TCERG1L: variants seen among roughly 807,000 people sequenced by gnomAD.
The protein encoded by TCERG1L is transcription elongation regulator 1 like.
TCERG1L carries 37 observed loss-of-function variants against 56.3 expected under a neutral mutation model. The observed-to-expected ratio is 0.66, with a 90% confidence interval of 0.51 to 0.87. The LOEUF is 0.87. TCERG1L is among the 40% of genes least tolerant of loss of function. TCERG1L has a pLI of 0.00. For missense variants in TCERG1L, 799 were observed against 774.2 expected, an observed-to-expected ratio of 1.03 and a Z score of -0.38; for synonymous variants, 324 against 326.3, an observed-to-expected ratio of 0.99 and a Z score of 0.08.
In TCERG1L at chr10:131,308,320, C is replaced by A; in HGVS notation, c.561G>T (p.Gly187=). The change falls in exon 3 of 12, where the codon GGG becomes GGT. Residue 187 remains glycine (G), a synonymous_variant. Transcript: ENST00000368642. The part of the protein sequence containing the change: ...IHPEESRFFH[G]HEKPRLLANQ... ...TTGCCAGCAAACGAGGCTTTTCATG[C>A]CCATGGAAAAACCTTGACTCCTCAG... 1 of 1,613,866 alleles carries A rather than the reference C, an allele frequency of 6.2e-7. No homozygotes were observed. Among genetic ancestry groups the A allele is most frequent in the Non-Finnish European group, 8.5e-7 (1 of 1,179,850 alleles).
chr10:131,242,555 T>C (rs1296441999), intron 4 of TCERG1L, among the ~76,000 whole-genome samples: 1 of 152,200 alleles, frequency 6.6e-6, no homozygotes, highest in Non-Finnish European at 1.5e-5. Flanking sequence ...TTAATTATAC[T>C]GTTGAAAACC....
intron 5 of TCERG1L, 74 bp downstream of exon 5, chr10:131,166,723 G>C (rs1846033622): frequency 1.6e-5 from 23 of 1,415,930 alleles, no homozygotes; most frequent in Non-Finnish European, 2.2e-5. Flanking sequence ...AAACAAGCGT[G>C]AGGGTGTCCT....
intron 3 of TCERG1L, among the ~76,000 whole-genome samples, chr10:131,284,549 C>T (rs546136516): frequency 2.6e-5 from 4 of 151,492 alleles, no homozygotes; most frequent in Non-Finnish European, 5.9e-5. Flanking sequence ...GAGATAAGAG[C>T]AGATTTCAAT....
chr10:131,114,514 C>T (rs1011426050), intron 9 of TCERG1L, among the ~76,000 whole-genome samples: 2 of 98,318 alleles, frequency 2.0e-5, no homozygotes, highest in East Asian at 5.1e-4. Flanking sequence ...TGGTGGTTAC[C>T]GCTTCACGTT....
intron 3 of TCERG1L, among the ~76,000 whole-genome samples, chr10:131,269,182 A>ATTTAGTTGTTTG (rs59572948): frequency 6.6e-6 from 1 of 151,128 alleles, no homozygotes; most frequent in Non-Finnish European, 1.5e-5. Flanking sequence ...TACAATTTCT[A>ATTTAGTTGTTTG]TTTGTTTGTT....
chr10:131,093,169 A>T lies in TCERG1L; in HGVS notation c.1754T>A (p.Met585Lys). Reference sequence around the variant, plus strand: ...TTGCATTTTTTCACAAACTCATCTCATTTTCCGCAGCCTTAGTCTGTTTTC... The same window carrying T: ...TTGCATTTTTTCACAAACTCATCTCTTTTTCCGCAGCCTTAGTCTGTTTTC... Reference protein sequence around the residue: ...DKENRLRLRKMR With the variant: ...DKENRLRLRKKR Residue 585 changes from methionine to lysine, a missense_variant, in exon 12 of 12, where the codon ATG (methionine) becomes AAG (lysine). Transcript: ENST00000368642. The T allele has an allele frequency of 2.5e-6, 4 of 1,611,760 alleles. No homozygotes were observed. Among genetic ancestry groups the T allele is most frequent in the Non-Finnish European group, 3.4e-6 (4 of 1,179,158 alleles).
chr10:131,269,702 G>C (rs144713198), intron 3 of TCERG1L, among the ~76,000 whole-genome samples: 3 of 152,104 alleles, frequency 2.0e-5, no homozygotes, highest in Non-Finnish European at 4.4e-5. Flanking sequence ...CACAACAGAC[G>C]TAACAATACT....
intron 8 of TCERG1L, among the ~76,000 whole-genome samples, chr10:131,120,066 C>T (rs559348916): frequency 6.6e-6 from 1 of 152,246 alleles, no homozygotes; most frequent in East Asian, 1.9e-4. Context: ...GTGTGGTGAC[C>T]ATCCTACCCC....
At chr10:131,295,185 T>A (rs1846677020) in intron 3 of TCERG1L, among the ~76,000 whole-genome samples, 1 of 152,210 alleles carries the variant, frequency 6.6e-6, no homozygotes, top group African/African-American at 2.4e-5. Context: ...TGTGTCACAG[T>A]CCATTATTTG....
rs1341386032 is a variant in TCERG1L, at chr10:131,228,001, T to C, written c.856+32258A>G. Reference sequence around the variant, plus strand: ...CCCCTCCTCACCCCCAGCACCTGACTTGGACTCTGTCCTCCTTGCCCAGCC... The same window carrying C: ...CCCCTCCTCACCCCCAGCACCTGACCTGGACTCTGTCCTCCTTGCCCAGCC... On this transcript the variant is annotated intron_variant, in intron 4 of 11. Transcript: ENST00000368642. Among the ~76,000 whole-genome samples the C allele has an allele frequency of 2.0e-5, 3 of 148,308 alleles. No homozygotes were observed. The South Asian group carries it at 6.7e-4, about 33-fold the overall frequency.
intron 6 of TCERG1L, chr10:131,162,372 T>G (rs1477703212): frequency 6.6e-6 from 1 of 152,166 alleles, no homozygotes; most frequent in Non-Finnish European, 1.5e-5. Flanking sequence ...GGAGCCAAGT[T>G]CACCCGAATC....
At chr10:131,157,107 C>A (rs1298055317) in intron 6 of TCERG1L, among the ~76,000 whole-genome samples, 1 of 152,188 alleles carries the variant, frequency 6.6e-6, no homozygotes, top group East Asian at 1.9e-4. Context: ...ATCCGCCCCA[C>A]ACTTCTTACC....
intron 8 of TCERG1L, among the ~76,000 whole-genome samples, chr10:131,126,106 T>C (rs1279327834): frequency 1.3e-5 from 2 of 152,224 alleles, no homozygotes; most frequent in Non-Finnish European, 2.9e-5. Flanking sequence ...CTAGCACCCC[T>C]GCTTCTGCCC....
intron 4 of TCERG1L, among the ~76,000 whole-genome samples, chr10:131,246,345 G>A (rs1370905062): frequency 6.6e-6 from 1 of 152,130 alleles, no homozygotes; most frequent in African/African-American, 2.4e-5. Context: ...TGCTGAGCAA[G>A]GAGAGAAGAG....
chr10:131,259,258 G>A (rs1328699930), intron 4 of TCERG1L, among the ~76,000 whole-genome samples: 1 of 152,110 alleles, frequency 6.6e-6, no homozygotes, highest in African/African-American at 2.4e-5. Context: ...TAAAGTAGTA[G>A]GTATATATTT....
chr10:131,243,212 G>A (rs893959130), intron 4 of TCERG1L, among the ~76,000 whole-genome samples: 2 of 151,992 alleles, frequency 1.3e-5, no homozygotes, highest in Non-Finnish European at 1.5e-5. Flanking sequence ...TCCCTCCCAC[G>A]CTGACCCTGG....
intron 10 of TCERG1L, 122 bp from the exon 11 acceptor site, chr10:131,098,546 G>A: frequency 1.6e-6 from 2 of 1,266,788 alleles, no homozygotes; most frequent in Non-Finnish European, 2.1e-6. Context: ...CTTGTTTACA[G>A]CTGCTGGAGT....
intron 4 of TCERG1L, among the ~76,000 whole-genome samples, chr10:131,257,439 G>A (rs151313635): frequency 6.8e-4 from 103 of 152,322 alleles, no homozygotes; most frequent in African/African-American, 2.5e-3. Flanking sequence ...TCTAGTGCAA[G>A]GCACCGAATT....
At chr10:131,100,666 C>CCT (rs1845296033) in intron 10 of TCERG1L, among the ~76,000 whole-genome samples, 1 of 152,156 alleles carries the variant, frequency 6.6e-6, no homozygotes, top group Non-Finnish European at 1.5e-5. Flanking sequence ...GTAGGATCAC[C>CCT]CTCTTCTCCT....
Sources: gnomAD v4.1 joint callset for allele counts (sites outside exome capture counted in the v4.1 genomes callset) on GRCh38, gnomAD v4.1.1 for gene constraint, MANE v1.5 for transcripts, NCBI Gene and HGNC (gene_info 2026-07-23, HGNC 2026-07-21) for gene names.